The following SCAMP4 variants were observed in gnomAD, a reference collection of about 807,000 sequenced individuals.
SCAMP4 encodes secretory carrier membrane protein 4, also known as secretory carrier-associated membrane protein 4.
Under a neutral mutation model 32.1 loss-of-function variants are expected in SCAMP4, and 19 were observed. The ratio of observed to expected loss-of-function variants is 0.59; its 90% confidence interval spans 0.41 to 0.87. The LOEUF (loss-of-function observed/expected upper bound fraction) is 0.87. Among genes scored for constraint, SCAMP4 ranks in the 40% least tolerant of loss-of-function variants. The pLI, the probability that SCAMP4 is intolerant of heterozygous loss-of-function variation, is 0.00. For synonymous variants in SCAMP4, 152 were observed against 132.7 expected (o/e 1.15, Z -1.00); for missense variants, 302 against 309.0 (o/e 0.98, Z 0.17).
chr19:1,920,614 C>T, intron 5 of SCAMP4: 1 of 985,492 alleles, frequency 1.0e-6, no homozygotes, highest in Non-Finnish European at 1.2e-6. Flanking sequence ...ACTCCCAGCT[C>T]TGCCAGCCTT....
At position 1,908,739 on chromosome 19, in the gene SCAMP4, T is replaced by G. The variant is rs755123814; in HGVS notation, c.-42+3300T>G. On this transcript the variant is annotated intron_variant, in intron 1 of 6. Transcript: ENST00000316097. This position sits in a 1 kb window ranked among gnomAD's most constrained non-coding sequence, Gnocchi z 4.2. ...GTCTCAAACTCCTGTGCTTAAGTGA[T>G]CCTCTCGCCTTGGTCTCCTGAGTAG... 2.7e-6 allele frequency: 1 copy of G among 366,308 alleles called. No individual in the cohort carries two copies. Among genetic ancestry groups the G allele is most frequent in the Non-Finnish European group, 5.4e-6 (1 of 186,610 alleles). 22.7% of individuals were successfully genotyped at this position (366,308 alleles called of 1,614,324 possible).
intron 2 of SCAMP4, 70 bp from the exon 3 acceptor site, chr19:1,917,624 G>T: frequency 6.3e-7 from 1 of 1,590,090 alleles, no homozygotes; most frequent in Non-Finnish European, 8.6e-7. Flanking sequence ...GCCTTGGGTC[G>T]AAGGGATGAG....
rs548346276 is a variant in SCAMP4, at chr19:1,924,059, C to A, written c.514-49C>A. 1.9e-6 allele frequency: 3 copies of A among 1,539,416 alleles called. 1 individual carries two copies. The highest frequency in any genetic ancestry group is 2.6e-6 in the Non-Finnish European group (3 of 1,136,334). On this transcript the variant is annotated intron_variant, in intron 6 of 6. Transcript: ENST00000316097. Reference sequence around the variant, plus strand: ...ACAGGCGTGAGTCCCCGTGCCCGGCCGCCATGCTCATTTTCTGTCTTCTGC... The same window carrying A: ...ACAGGCGTGAGTCCCCGTGCCCGGCAGCCATGCTCATTTTCTGTCTTCTGC...
At chr19:1,915,704 T>G (rs1252180137) in intron 2 of SCAMP4, among the ~76,000 whole-genome samples, 1 of 152,122 alleles carries the variant, frequency 6.6e-6, no homozygotes, top group African/African-American at 2.4e-5. Context: ...CCCAGCACTT[T>G]GGGAGGCCGA....
chr19:1,923,848 A>T lies in SCAMP4; in HGVS notation c.514-260A>T, dbSNP rs141893067. 6.8e-3 allele frequency among the ~76,000 whole-genome samples: 731 copies of T among 107,260 alleles called. 167 individuals are homozygous for T. The East Asian group carries it at 0.22, about 32-fold the overall frequency. 70.4% of individuals were successfully genotyped at this position (107,260 alleles called of 152,430 possible). ...CACCGTGTTAGCCAGGATGGTCTCAATCTCCTGACCTCGTGATCCTCCCGC... is the reference window on the plus strand; with the variant it reads ...CACCGTGTTAGCCAGGATGGTCTCATTCTCCTGACCTCGTGATCCTCCCGC... On this transcript the variant is annotated intron_variant, in intron 6 of 6. Coordinates refer to ENST00000316097, the MANE Select transcript of SCAMP4 (RefSeq NM_079834.4).
intron 2 of SCAMP4, among the ~76,000 whole-genome samples, chr19:1,917,186 A>T (rs906973486): frequency 6.6e-6 from 1 of 152,098 alleles, no homozygotes; most frequent in African/African-American, 2.4e-5. Context: ...GGCGCCTGTA[A>T]TCCCAGCTAC....
In SCAMP4 at chr19:1,924,019, C is replaced by T. The variant is rs372663340; in HGVS notation, c.514-89C>T. 1.5e-5 allele frequency: 15 copies of T among 979,528 alleles called. No individual in the cohort carries two copies. In the East Asian group the frequency reaches 2.3e-4, roughly 15 times the overall value. The allele number at this position is 979,528 out of a possible 1,614,324, so 60.7% of individuals were successfully genotyped here. On this transcript the variant is annotated intron_variant, in intron 6 of 6. Coordinates refer to ENST00000316097, the MANE Select transcript of SCAMP4 (RefSeq NM_079834.4). ...AGACAGTCTGTCTGCCTCGGCCTCC[C>T]GAAGTGCTGGGATGACAGGCGTGAG...
intron 4 of SCAMP4, 90 bp from the exon 5 acceptor site, chr19:1,918,799 C>G: frequency 1.3e-6 from 2 of 1,513,494 alleles, no homozygotes; most frequent in South Asian, 1.2e-5. Flanking sequence ...AGCCTCCGCT[C>G]TCACCATCTC....
In SCAMP4 at chr19:1,925,910, A is replaced by ACCCCCCCCCCCC. The variant is rs71174396; in HGVS notation, c.*1635_*1636insCCCCCCCCCCCC. 5 of 112,702 alleles carry ACCCCCCCCCCCC rather than the reference A, an allele frequency of 4.4e-5. No individual in the cohort carries two copies. The highest frequency in any genetic ancestry group is 6.8e-5 in the Non-Finnish European group (4 of 58,984). The allele number at this position is 112,702 out of a possible 1,614,324, so 7.0% of individuals were successfully genotyped here. ...GACAAAATCTCACCTGGCAGGCCCAACCCCCCCCCACCCCTCCCCCGCCGT... is the reference window on the plus strand; with the variant it reads ...GACAAAATCTCACCTGGCAGGCCCAACCCCCCCCCCCCCCCCCCCCCACCCCTCCCCCGCCGT... On this transcript the variant is annotated 3_prime_UTR_variant, in exon 7 of 7. Transcript: ENST00000316097.
chr19:1,921,045 AG>A (rs2013903575), intron 5 of SCAMP4: 1 of 985,424 alleles, frequency 1.0e-6, no homozygotes, highest in Non-Finnish European at 1.2e-6. Context: ...AGCGGGTCTT[AG>A]GAGAGCCCGG....
Position 1,925,370 on chromosome 19 carries a change from T to A in SCAMP4, c.*1086T>A, listed in dbSNP as rs1017500695. 112 of 152,572 alleles carry A rather than the reference T, an allele frequency of 7.3e-4. No individual in the cohort carries two copies. The highest frequency in any genetic ancestry group is 2.6e-3 in the African/African-American group (109 of 41,504). The allele number at this position is 152,572 out of a possible 1,614,324, so 9.5% of individuals were successfully genotyped here. A position where few individuals can be genotyped will look rare whatever the true frequency, so the allele number is the denominator to read the frequency against. On this transcript the variant is annotated 3_prime_UTR_variant, in exon 7 of 7. Coordinates refer to ENST00000316097, the MANE Select transcript of SCAMP4 (RefSeq NM_079834.4). The stretch of plus-strand genomic sequence containing the variant: ...GCCTTGGCCTCCCAAAGTGCTGGGA[T>A]AATAGGTGTCAGCCACCGCGCCCAG...
Position 1,924,703 on chromosome 19 carries a change from T to G in SCAMP4, c.*419T>G. On this transcript the variant is annotated 3_prime_UTR_variant, in exon 7 of 7. Coordinates refer to ENST00000316097, the MANE Select transcript of SCAMP4 (RefSeq NM_079834.4). The stretch of plus-strand genomic sequence containing the variant: ...AGCGGGTCTGATGGGGAGCTCCGTC[T>G]CACCGGCCACCCGCCGTCACCATGG... 1 of 205,926 alleles carries G rather than the reference T, an allele frequency of 4.9e-6. No individual in the cohort carries two copies. Among genetic ancestry groups the G allele is most frequent in the Non-Finnish European group, 1.0e-5 (1 of 97,862 alleles). 12.8% of individuals were successfully genotyped at this position (205,926 alleles called of 1,614,324 possible). A position where few individuals can be genotyped will look rare whatever the true frequency, so the allele number is the denominator to read the frequency against.
At chr19:1,905,964 C>T (rs1273827385) in intron 1 of SCAMP4, 1 of 152,212 alleles carries the variant, frequency 6.6e-6, no homozygotes, top group Non-Finnish European at 1.5e-5. Context: ...GTATCACAGG[C>T]CCCCAGTTAT....
chr19:1,922,517 A>C (rs139295803), intron 5 of SCAMP4: 47 of 984,452 alleles, frequency 4.8e-5, no homozygotes, highest in Non-Finnish European at 5.3e-5. Context: ...CGACAGGCGT[A>C]AGCCTCTGCG....
At chr19:1,919,458 T>C (rs997329636) in intron 5 of SCAMP4, 22 of 985,100 alleles carry the variant, frequency 2.2e-5, no homozygotes, top group Non-Finnish European at 2.7e-5. Flanking sequence ...CAGAAGTGTT[T>C]GTGTTGGTGT....
intron 1 of SCAMP4, chr19:1,912,821 C>A: frequency 6.3e-7 from 1 of 1,589,796 alleles, no homozygotes; most frequent in Non-Finnish European, 8.5e-7. Flanking sequence ...GCACCTACGA[C>A]TTCAGACCCT....
At chr19:1,913,834 G>T (rs763703314) in intron 1 of SCAMP4, among the ~76,000 whole-genome samples, 1 of 152,230 alleles carries the variant, frequency 6.6e-6, no homozygotes, top group Non-Finnish European at 1.5e-5. Flanking sequence ...GGTCCACCCG[G>T]CAAGTGTCCA....
chr19:1,919,858 G>A (rs1002043902), intron 5 of SCAMP4, among the ~76,000 whole-genome samples: 7 of 150,190 alleles, frequency 4.7e-5, no homozygotes, highest in African/African-American at 1.7e-4. Flanking sequence ...CACTCAGGCT[G>A]GGGTGCAGTG....
intron 1 of SCAMP4, chr19:1,912,835 C>G: frequency 6.3e-7 from 1 of 1,593,308 alleles, no homozygotes; most frequent in Non-Finnish European, 8.5e-7. Context: ...AGACCCTTCC[C>G]CGCCTGCTCC....
Sources: gnomAD v4.1 joint callset for allele counts (sites outside exome capture counted in the v4.1 genomes callset) on GRCh38, gnomAD v4.1.1 for gene constraint, Gnocchi (gnomAD v3.1) non-coding constraint, MANE v1.5 for transcripts, NCBI Gene and HGNC (gene_info 2026-07-23, HGNC 2026-07-21) for gene names.